The following DCDC1 variants were observed in gnomAD, a reference collection of about 807,000 sequenced individuals.
DCDC1 encodes doublecortin domain-containing protein 1.
Under a neutral mutation model 178.3 loss-of-function variants are expected in DCDC1, and 200 were observed. The observed-to-expected ratio is 1.12, with a 90% CI of 1.00 to 1.26. DCDC1 has a LOEUF of 1.26. Ranked by LOEUF, DCDC1 falls within the 50% of genes most tolerant of loss-of-function variation. The pLI, the probability that DCDC1 is intolerant of heterozygous loss-of-function variation, is 0.00. For missense variants in DCDC1, 1,983 were observed against 1,749.2 expected (o/e 1.13, Z -2.38); for synonymous variants, 690 against 604.8 (o/e 1.14, Z -2.07).
chr11:31,142,571 T>C (rs1963959694), intron 9 of DCDC1, among the ~76,000 whole-genome samples: 1 of 152,172 alleles, frequency 6.6e-6, no homozygotes, highest in African/African-American at 2.4e-5. Context: ...GAAGGTGTAT[T>C]TTAGGATAAT....
rs1418276598 is a variant in DCDC1 at position 30,863,857 on chromosome 11, T to C, written c.*1516A>G. 1 of 152,248 alleles carries C rather than the reference T, an allele frequency of 6.6e-6. No individual in the cohort carries two copies. Among genetic ancestry groups the C allele is most frequent in the East Asian group, 1.9e-4 (1 of 5,196 alleles). The allele number at this position is 152,248 out of a possible 1,614,324, so 9.4% of individuals were successfully genotyped here. On this transcript the variant is annotated 3_prime_UTR_variant, in exon 39 of 39. Transcript: ENST00000684477. ...CAAACATTTTTTGGGCTGGGTGTGGTGGCTTACGCCTGTAATCCCAGCACT... is the reference window on the plus strand; with the variant it reads ...CAAACATTTTTTGGGCTGGGTGTGGCGGCTTACGCCTGTAATCCCAGCACT...
intron 1 of DCDC1, among the ~76,000 whole-genome samples, chr11:31,368,210 G>GA (rs1428887197): frequency 7.2e-5 from 11 of 151,976 alleles, no homozygotes; most frequent in Admixed American, 6.6e-5. Flanking sequence ...TATTGCTGGG[G>GA]AAAAAAACTA....
chr11:31,210,440 C>T (rs1038604944), intron 9 of DCDC1, among the ~76,000 whole-genome samples: 12 of 152,148 alleles, frequency 7.9e-5, no homozygotes, highest in African/African-American at 2.6e-4. Context: ...CGGCCGGGCA[C>T]GGTGGCTCAT....
intron 9 of DCDC1, among the ~76,000 whole-genome samples, chr11:31,168,883 A>G (rs1161170785): frequency 1.3e-5 from 2 of 152,182 alleles, no homozygotes; most frequent in Non-Finnish European, 2.9e-5. Context: ...TTATTAGGTT[A>G]ATTAATTGTT....
At chr11:31,076,042 A>G (rs1956846067) in intron 18 of DCDC1, among the ~76,000 whole-genome samples, 1 of 152,148 alleles carries the variant, frequency 6.6e-6, no homozygotes, top group African/African-American at 2.4e-5. Flanking sequence ...TATTTTTAGT[A>G]GAGACGGGGT....
At chr11:31,195,620 T>A (rs888266872) in intron 9 of DCDC1, among the ~76,000 whole-genome samples, 28 of 152,130 alleles carry the variant, frequency 1.8e-4, no homozygotes, top group East Asian at 1.5e-3. Flanking sequence ...TAAATTAGGA[T>A]CCCTTGGTTT....
intron 13 of DCDC1, among the ~76,000 whole-genome samples, chr11:31,106,486 C>T (rs1030322521): frequency 3.3e-5 from 5 of 152,164 alleles, no homozygotes; most frequent in East Asian, 1.9e-4. Flanking sequence ...TTGGGCCCCC[C>T]GTGGCGTTTC....
chr11:31,310,156 T>C (rs1453591542), intron 3 of DCDC1, among the ~76,000 whole-genome samples: 2 of 152,120 alleles, frequency 1.3e-5, no homozygotes, highest in East Asian at 1.9e-4. Flanking sequence ...TATTTGTTTA[T>C]TTATTACTTG....
chr11:31,143,502 A>T lies in DCDC1; in HGVS notation c.1222-5718T>A, dbSNP rs1964093354. Among the ~76,000 whole-genome samples the T allele has an allele frequency of 2.0e-5, 3 of 152,288 alleles. No homozygotes were observed. The South Asian group carries it at 6.2e-4, about 32-fold the overall frequency. Reference sequence around the variant, plus strand: ...CTGGGAAGCAAAGGGCTAGATGGTTACTGTGAATCCATACTTAATCTATTT... The same window carrying T: ...CTGGGAAGCAAAGGGCTAGATGGTTTCTGTGAATCCATACTTAATCTATTT... On this transcript the variant is annotated intron_variant, in intron 9 of 38. Transcript: ENST00000684477.
At position 31,006,238 on chromosome 11, in the gene DCDC1, T is replaced by C. The variant is rs939901181; in HGVS notation, c.2592-53670A>G. 3.7e-3 allele frequency among the ~76,000 whole-genome samples: 559 copies of C among 152,290 alleles called. 7 individuals carry two copies. The highest frequency in any genetic ancestry group is 0.013 in the African/African-American group (544 of 41,574). ...TAATTAGCTTGATGACACCACACAA[T>C]AGTTGGGTCCTTTTACAGTCCTGCA... On this transcript the variant is annotated intron_variant, in intron 20 of 38. Transcript: ENST00000684477.
At chr11:31,103,896 T>C (rs1010979277) in intron 13 of DCDC1, 127 bp from the exon 14 acceptor site, 5 of 627,840 alleles carry the variant, frequency 8.0e-6, no homozygotes, top group Admixed American at 5.6e-5. Flanking sequence ...GAGTTTCCTA[T>C]TGTATAGCAC....
chr11:31,222,708 A>C (rs1369052331), intron 9 of DCDC1, among the ~76,000 whole-genome samples: 4 of 152,120 alleles, frequency 2.6e-5, no homozygotes, highest in Admixed American at 2.6e-4. Flanking sequence ...TTCTGGCTCG[A>C]AGATGGCTGT....
chr11:31,353,859 T>C (rs1373937180), intron 1 of DCDC1, among the ~76,000 whole-genome samples: 2 of 152,186 alleles, frequency 1.3e-5, no homozygotes, highest in African/African-American at 4.8e-5. Flanking sequence ...CAGAGCCTAG[T>C]GTAAATAGAA....
At chr11:31,310,344 A>T (rs1269012272) in intron 3 of DCDC1, among the ~76,000 whole-genome samples, 1 of 87,370 alleles carries the variant, frequency 1.1e-5, no homozygotes, top group East Asian at 3.7e-4. Context: ...TTTGAGATGG[A>T]GTATTGCTCT....
intron 7 of DCDC1, among the ~76,000 whole-genome samples, chr11:31,269,117 T>A (rs926440807): frequency 6.6e-6 from 1 of 152,178 alleles, no homozygotes; most frequent in African/African-American, 2.4e-5. Flanking sequence ...GAAAAATCTT[T>A]GCAGTGTTTA....
intron 20 of DCDC1, among the ~76,000 whole-genome samples, chr11:31,051,060 C>G (rs1313186785): frequency 5.9e-5 from 9 of 151,906 alleles, no homozygotes; most frequent in Non-Finnish European, 8.8e-5. Flanking sequence ...AGGCAAAGCC[C>G]AATCCAAGGA....
At chr11:31,339,939 G>A (rs1293163843) in intron 1 of DCDC1, among the ~76,000 whole-genome samples, 1 of 152,018 alleles carries the variant, frequency 6.6e-6, no homozygotes, top group African/African-American at 2.4e-5. Context: ...CTATGTCTCT[G>A]TGGTTGCATA....
At chr11:31,194,124 G>A (rs1032455526) in intron 9 of DCDC1, among the ~76,000 whole-genome samples, 2 of 152,106 alleles carry the variant, frequency 1.3e-5, no homozygotes, top group African/African-American at 4.8e-5. Context: ...GCTACGAAGA[G>A]TATTCAAAAC....
rs554419634 is a variant in DCDC1 at position 31,014,684 on chromosome 11, T to C, written c.2591+49785A>G. Among the ~76,000 whole-genome samples, 4 of 152,334 alleles carry C rather than the reference T, an allele frequency of 2.6e-5. No homozygotes were observed. The South Asian group carries it at 6.2e-4, about 24-fold the overall frequency. On this transcript the variant is annotated intron_variant, in intron 20 of 38. Coordinates refer to ENST00000684477, the MANE Select transcript of DCDC1 (RefSeq NM_001387274.1). The stretch of plus-strand genomic sequence containing the variant: ...TATGATGCCAGCCATTTTTATTCCA[T>C]GGTGTTTACCAATCACTACCCTAAT...
Sources: allele counts gnomAD v4.1 joint callset (sites outside exome capture counted in the v4.1 genomes callset), GRCh38; gene constraint gnomAD v4.1.1; transcripts MANE v1.5; gene names NCBI Gene and HGNC (gene_info 2026-07-23, HGNC 2026-07-21).